The following TCFL5 variants were observed in gnomAD, a reference collection of about 807,000 sequenced individuals.
TCFL5 encodes the protein transcription factor-like 5 protein.
Under a neutral mutation model 44.3 loss-of-function variants are expected in TCFL5, and 9 were observed. That is an observed-to-expected ratio of 0.20 (90% CI 0.12 to 0.35). The LOEUF (loss-of-function observed/expected upper bound fraction) is 0.35, where lower values mean the gene tolerates loss of function less well. TCFL5 is among the 10% of genes least tolerant of loss of function. The probability of loss-of-function intolerance (pLI) is 1.00; values close to 1 mark genes in which losing one functional copy is unlikely to be tolerated. For synonymous variants in TCFL5, 319 were observed against 271.6 expected (o/e 1.17, Z -1.72); for missense variants, 603 against 613.4 (o/e 0.98, Z 0.18).
intron 1 of TCFL5, among the ~76,000 whole-genome samples, chr20:62,860,593 G>A (rs576388308): frequency 6.6e-6 from 1 of 152,250 alleles, no homozygotes; most frequent in East Asian, 1.9e-4. Context: ...GCTGGGATGA[G>A]CAGAAAACTG....
chr20:62,845,483 T>G, intron 5 of TCFL5: 1 of 1,384,614 alleles, frequency 7.2e-7, no homozygotes, highest in East Asian at 2.8e-5. Flanking sequence ...TTTTGATAAT[T>G]TCCTATATTC....
chr20:62,855,278 C>CA (rs1196635965), intron 4 of TCFL5, among the ~76,000 whole-genome samples: 4 of 152,178 alleles, frequency 2.6e-5, no homozygotes, highest in Admixed American at 2.6e-4. Flanking sequence ...TCCCACACCT[C>CA]AGCCTCCCAA....
rs1271303212 is a variant in TCFL5, at chr20:62,860,980, G to T, written c.647+44C>A. On this transcript the variant is annotated intron_variant, in intron 1 of 5. Coordinates refer to ENST00000335351, the MANE Select transcript of TCFL5 (RefSeq NM_006602.4). ...CGCCCCGGCCCCGGCCCCGGCCTCG[G>T]CCTCCACCCGGGCCCCGCCAGCCCC... The T allele has an allele frequency of 4.0e-6, 4 of 989,508 alleles. No homozygotes were observed. In the African/African-American group the frequency reaches 7.0e-5, roughly 17 times the overall value. 61.3% of individuals were successfully genotyped at this position (989,508 alleles called of 1,614,324 possible).
Position 62,841,899 on chromosome 20 carries a change from C to A in TCFL5, c.*76G>T. ...TTCGAGTCAGACTAGCCGAGCAGAG[C>A]TCCAGGGTTGCAGAAGGCGTGCACA... On this transcript the variant is annotated 3_prime_UTR_variant, in exon 6 of 6. Transcript: ENST00000335351. 2 of 1,578,566 alleles carry A rather than the reference C, an allele frequency of 1.3e-6. No individual in the cohort carries two copies. The highest frequency in any genetic ancestry group is 8.6e-7 in the Non-Finnish European group (1 of 1,162,164).
intron 4 of TCFL5, 25 bp downstream of exon 4, chr20:62,857,370 C>A (rs1482658503): frequency 6.2e-7 from 1 of 1,611,440 alleles, no homozygotes; most frequent in Admixed American, 1.7e-5. Context: ...TATGAGTCAG[C>A]CTGACAAGCA....
In TCFL5 at chr20:62,860,004, C is replaced by A. The variant is rs376932862; in HGVS notation, c.831+121G>T. The A allele has an allele frequency of 2.8e-5, 29 of 1,027,302 alleles. No individual in the cohort carries two copies. The East Asian group carries it at 4.6e-4, about 16-fold the overall frequency. The allele number at this position is 1,027,302 out of a possible 1,614,324, so 63.6% of individuals were successfully genotyped here. Reference sequence around the variant, plus strand: ...GATTACAGGTGTCGGCCTTGGCGCCCGGCTTAAAAGGTTATTAAGCTCACT... The same window carrying A: ...GATTACAGGTGTCGGCCTTGGCGCCAGGCTTAAAAGGTTATTAAGCTCACT... On this transcript the variant is annotated intron_variant, in intron 2 of 5. Coordinates refer to ENST00000335351, the MANE Select transcript of TCFL5 (RefSeq NM_006602.4).
At chr20:62,860,926 G>A (rs2063990196) in intron 1 of TCFL5, 98 bp downstream of exon 1, 2 of 909,138 alleles carry the variant, frequency 2.2e-6, no homozygotes, top group Non-Finnish European at 1.3e-6. Context: ...CAGGCTGGGG[G>A]CGTGCACAGC....
In TCFL5 at chr20:62,859,463, C is replaced by T. The variant is rs780238649; in HGVS notation, c.895G>A (p.Ala299Thr). The change falls in exon 3 of 6, where the codon GCA becomes ACA. Residue 299 changes from alanine (A) to threonine (T), a missense_variant. Physicochemically the swap from Ala to Thr is moderately conservative, Grantham distance 58. Coordinates refer to ENST00000335351, the MANE Select transcript of TCFL5 (RefSeq NM_006602.4). The stretch of plus-strand genomic sequence containing the variant: ...TCTTGCTGATAACAGAAAGAAAATG[C>T]TCTAGGCAATCCAATATCCTGGTGC... The part of the protein sequence containing the change: ...AKHQDIGLPR[A>T]FSFCYQQEIE... 1.2e-6 allele frequency: 2 copies of T among 1,614,080 alleles called. No homozygotes were observed. Among genetic ancestry groups the T allele is most frequent in the South Asian group, 2.2e-5 (2 of 91,070 alleles).
intron 5 of TCFL5, chr20:62,851,625 G>C (rs1336914945): frequency 2.0e-6 from 2 of 984,942 alleles, no homozygotes; most frequent in Non-Finnish European, 2.4e-6. Context: ...CATCGCTATA[G>C]AATGCAATTA....
chr20:62,853,084 C>T (rs555857281), intron 5 of TCFL5, among the ~76,000 whole-genome samples: 4 of 140,830 alleles, frequency 2.8e-5, no homozygotes, highest in East Asian at 2.1e-4. Context: ...CGCAGAAGCA[C>T]AGTCACCGGT....
chr20:62,856,705 CAAAA>C (rs11470406), intron 4 of TCFL5, among the ~76,000 whole-genome samples: 2 of 100,266 alleles, frequency 2.0e-5, no homozygotes, highest in African/African-American at 3.9e-5. Flanking sequence ...GACTCCGTCT[CAAAA>C]AAAAAAAAAA....
chr20:62,845,599 A>T, intron 5 of TCFL5: 1 of 1,572,986 alleles, frequency 6.4e-7, no homozygotes, highest in Non-Finnish European at 8.6e-7. Flanking sequence ...GCTCCGGAGA[A>T]GTTAGACCCT....
chr20:62,850,508 A>C (rs897673146), intron 5 of TCFL5, among the ~76,000 whole-genome samples: 4 of 151,636 alleles, frequency 2.6e-5, no homozygotes, highest in Non-Finnish European at 5.9e-5. Flanking sequence ...CAAACACAAG[A>C]AGCCTTGTGC....
intron 1 of TCFL5, among the ~76,000 whole-genome samples, chr20:62,860,743 G>C (rs1483187465): frequency 1.3e-5 from 2 of 152,216 alleles, no homozygotes; most frequent in African/African-American, 4.8e-5. Context: ...GTGCCACCCG[G>C]AGCACATGGT....
chr20:62,847,137 C>T (rs117538864), intron 5 of TCFL5, among the ~76,000 whole-genome samples: 2 of 150,352 alleles, frequency 1.3e-5, no homozygotes, highest in African/African-American at 2.5e-5. Context: ...GAGCCAAGAT[C>T]GCGCCATTAC....
chr20:62,851,350 T>TA (rs1417428211), intron 5 of TCFL5: 1 of 179,766 alleles, frequency 5.6e-6, no homozygotes, highest in Admixed American at 6.5e-5. Context: ...ATCATATCCA[T>TA]AAACATTTGG....
At chr20:62,857,837 G>A (rs569330299) in intron 3 of TCFL5, among the ~76,000 whole-genome samples, 199 bp from the exon 4 acceptor site, 8 of 151,990 alleles carry the variant, frequency 5.3e-5, no homozygotes, top group African/African-American at 7.2e-5. Flanking sequence ...TTTATACAAC[G>A]AAACTGAACA....
At chr20:62,857,963 T>C (rs1298824506) in intron 3 of TCFL5, among the ~76,000 whole-genome samples, 2 of 151,820 alleles carry the variant, frequency 1.3e-5, no homozygotes, top group African/African-American at 4.8e-5. Flanking sequence ...AAACAAGAAG[T>C]TGTTTACTTT....
intron 5 of TCFL5, chr20:62,846,185 A>T: frequency 1.9e-6 from 2 of 1,071,650 alleles, no homozygotes; most frequent in Non-Finnish European, 2.5e-6. Flanking sequence ...AAAAAGAAGG[A>T]AGGAAGAAAA....
Sources: allele counts gnomAD v4.1 joint callset (sites outside exome capture counted in the v4.1 genomes callset), GRCh38; gene constraint gnomAD v4.1.1; transcripts MANE v1.5; gene names NCBI Gene and HGNC (gene_info 2026-07-23, HGNC 2026-07-21).